RNF180: variants seen among roughly 807,000 people sequenced by gnomAD.
The protein encoded by RNF180 is ring finger protein 180.
Under a neutral mutation model 59.2 loss-of-function variants are expected in RNF180, and 38 were observed. The observed-to-expected ratio is 0.64, with a 90% CI of 0.50 to 0.84. The LOEUF is 0.84. Among genes scored for constraint, RNF180 ranks in the 40% least tolerant of loss-of-function variants. The pLI, the probability that RNF180 is intolerant of heterozygous loss-of-function variation, is 0.00. For missense variants in RNF180, 705 were observed against 700.9 expected (o/e 1.01, Z -0.07); for synonymous variants, 262 against 240.3 (o/e 1.09, Z -0.84).
chr5:64,232,045 G>A (rs979622376), intron 5 of RNF180, among the ~76,000 whole-genome samples: 1 of 152,132 alleles, frequency 6.6e-6, no homozygotes, highest in African/African-American at 2.4e-5. Context: ...CTGCTTGATT[G>A]GCACCTAATA....
At chr5:64,229,779 C>T (rs990775878) in intron 5 of RNF180, among the ~76,000 whole-genome samples, 3 of 152,034 alleles carry the variant, frequency 2.0e-5, no homozygotes, top group African/African-American at 4.8e-5. Context: ...AATCAATAGC[C>T]GGTATTGTGC....
At chr5:64,247,056 A>G (rs1003452881) in intron 5 of RNF180, among the ~76,000 whole-genome samples, 7 of 152,208 alleles carry the variant, frequency 4.6e-5, no homozygotes, top group African/African-American at 1.7e-4. Flanking sequence ...GTAAAATTCA[A>G]CACCACCACT....
At chr5:64,251,074 G>A (rs1365900610) in intron 5 of RNF180, among the ~76,000 whole-genome samples, 2 of 152,102 alleles carry the variant, frequency 1.3e-5, no homozygotes, top group Admixed American at 1.3e-4. Context: ...AAATAAATGT[G>A]ATACATCATG....
At chr5:64,246,445 C>A (rs2112257405) in intron 5 of RNF180, among the ~76,000 whole-genome samples, 1 of 152,268 alleles carries the variant, frequency 6.6e-6, no homozygotes, top group African/African-American at 2.4e-5. Flanking sequence ...AGTGATCCCA[C>A]AGAAATACAA....
At chr5:64,187,840 TA>T (rs948336122) in intron 1 of RNF180, among the ~76,000 whole-genome samples, 1 of 152,214 alleles carries the variant, frequency 6.6e-6, no homozygotes, top group African/African-American at 2.4e-5. Context: ...AATTTTTACT[TA>T]ACATAGGAAT....
intron 5 of RNF180, among the ~76,000 whole-genome samples, chr5:64,287,835 T>TTGCAA (rs1214230546): frequency 4.7e-4 from 72 of 152,314 alleles, no homozygotes; most frequent in African/African-American, 1.6e-3. Flanking sequence ...AAAAGTTTTC[T>TTGCAA]CCCATTCTTT....
At chr5:64,168,222 A>C (rs889375144) in intron 1 of RNF180, among the ~76,000 whole-genome samples, 3 of 152,020 alleles carry the variant, frequency 2.0e-5, no homozygotes, top group Non-Finnish European at 4.4e-5. Context: ...TTGAGTACCT[A>C]TTTTCTTTGC....
At chr5:64,264,152 C>T (rs970934678) in intron 5 of RNF180, among the ~76,000 whole-genome samples, 10 of 152,052 alleles carry the variant, frequency 6.6e-5, no homozygotes, top group Non-Finnish European at 1.3e-4. Flanking sequence ...CCCTTATTGC[C>T]TTCTATCCAA....
Position 64,258,909 on chromosome 5 carries a change from G to A in RNF180, c.1227+41513G>A, listed in dbSNP as rs2112308838. ...AACAAGAGGTGTTAGGCTAGGCAGT[G>A]CTTGTCAGAGAGTAGGTTGTTTGAA... On this transcript the variant is annotated intron_variant, in intron 5 of 7. Coordinates refer to ENST00000389100, the MANE Select transcript of RNF180 (RefSeq NM_001113561.2). 2.0e-5 allele frequency among the ~76,000 whole-genome samples: 3 copies of A among 152,304 alleles called. No homozygotes were observed. In the Middle Eastern group the frequency reaches 0.01, roughly 518 times the overall value.
At chr5:64,298,923 G>C (rs1580204765) in intron 5 of RNF180, among the ~76,000 whole-genome samples, 1 of 151,954 alleles carries the variant, frequency 6.6e-6, no homozygotes, top group Admixed American at 6.6e-5. Context: ...GCTAGGCTTA[G>C]TGCAGGAGCC....
chr5:64,195,219 G>A (rs920978899), intron 1 of RNF180, among the ~76,000 whole-genome samples: 8 of 152,014 alleles, frequency 5.3e-5, no homozygotes, highest in Admixed American at 2.0e-4. Context: ...GTACATATTG[G>A]GGGTAGAGTG....
At chr5:64,313,448 G>T (rs1467060493) in intron 5 of RNF180, among the ~76,000 whole-genome samples, 1 of 152,022 alleles carries the variant, frequency 6.6e-6, no homozygotes, top group African/African-American at 2.4e-5. Context: ...TAGAATAATG[G>T]CTTCCAGCTC....
At chr5:64,366,253 G>A (rs1252966739) in intron 7 of RNF180, among the ~76,000 whole-genome samples, 8 of 151,378 alleles carry the variant, frequency 5.3e-5, no homozygotes, top group East Asian at 1.9e-4. Context: ...TATGAAATTC[G>A]TGGTTGAATT....
chr5:64,243,729 C>G (rs979954802), intron 5 of RNF180, among the ~76,000 whole-genome samples: 9 of 152,212 alleles, frequency 5.9e-5, no homozygotes, highest in African/African-American at 2.2e-4. Flanking sequence ...CATCACAGTG[C>G]TCAAGCTCTG....
At chr5:64,180,667 C>G (rs1750522641) in intron 1 of RNF180, among the ~76,000 whole-genome samples, 1 of 152,150 alleles carries the variant, frequency 6.6e-6, no homozygotes, top group African/African-American at 2.4e-5. Context: ...ACCCTTGCCT[C>G]AAGATATAAA....
chr5:64,268,965 C>T (rs1308373926), intron 5 of RNF180, among the ~76,000 whole-genome samples: 1 of 151,654 alleles, frequency 6.6e-6, no homozygotes, highest in Non-Finnish European at 1.5e-5. Flanking sequence ...TTACTTATTA[C>T]TTCTAATGTC....
intron 5 of RNF180, among the ~76,000 whole-genome samples, chr5:64,248,178 C>T (rs1233010377): frequency 6.6e-6 from 1 of 152,108 alleles, no homozygotes; most frequent in African/African-American, 2.4e-5. Context: ...TAGGCAGTAC[C>T]ATCCAGGACA....
rs775659611 is a variant in RNF180 at position 64,344,274 on chromosome 5, CAAAAG to C, written c.1579+13872_1579+13876del. Among the ~76,000 whole-genome samples the C allele has an allele frequency of 1.4e-4, 22 of 151,814 alleles. No individual in the cohort carries two copies. The East Asian group carries it at 2.3e-3, about 16-fold the overall frequency. On this transcript the variant is annotated intron_variant, in intron 7 of 7. Coordinates refer to ENST00000389100, the MANE Select transcript of RNF180 (RefSeq NM_001113561.2). ...AAATTATATATATGTAAACAGTAAT[CAAAAG>C]AAAGCAGCTGTGGCTATGTTAATGT...
At chr5:64,337,261 G>A (rs919926415) in intron 7 of RNF180, among the ~76,000 whole-genome samples, 8 of 151,912 alleles carry the variant, frequency 5.3e-5, no homozygotes, top group Admixed American at 1.3e-4. Context: ...CTCCTTCCTC[G>A]GCCTCCCAAA....
Sources: gnomAD v4.1 joint callset for allele counts (sites outside exome capture counted in the v4.1 genomes callset) on GRCh38, gnomAD v4.1.1 for gene constraint, MANE v1.5 for transcripts, NCBI Gene and HGNC (gene_info 2026-07-23, HGNC 2026-07-21) for gene names.